The following KCTD16 variants were observed in gnomAD, a reference collection of about 807,000 sequenced individuals.
KCTD16 encodes the protein BTB/POZ domain-containing protein KCTD16.
In KCTD16, 13 loss-of-function variants were observed where a neutral mutation model predicts 33.2. The ratio of observed to expected loss-of-function variants is 0.39; its 90% confidence interval spans 0.25 to 0.62. The LOEUF is 0.62. Ranked by LOEUF, KCTD16 falls within the 20% of genes least tolerant of loss-of-function variation. KCTD16 has a pLI of 0.50. For synonymous variants in KCTD16, 197 were observed against 195.3 expected, an observed-to-expected ratio of 1.01 and a Z score of -0.07; for missense variants, 441 against 525.1, an observed-to-expected ratio of 0.84 and a Z score of 1.57.
chr5:144,364,950 C>G (rs142512471), intron 3 of KCTD16, among the ~76,000 whole-genome samples: 1 of 151,706 alleles, frequency 6.6e-6, no homozygotes, highest in Non-Finnish European at 1.5e-5. Flanking sequence ...CTACTTATGG[C>G]TGTTTTAGTA....
In KCTD16 at chr5:144,443,724, G is replaced by A. The variant is rs1033889844; in HGVS notation, c.833-29936G>A. On this transcript the variant is annotated intron_variant, in intron 3 of 3. Coordinates refer to ENST00000512467, the MANE Select transcript of KCTD16 (RefSeq NM_020768.4). ...AATCTATTATAATTATTATCACTAT[G>A]AAGCTCAAGTTGTTCTATCCTTGGC... Among the ~76,000 whole-genome samples the A allele has an allele frequency of 2.0e-5, 3 of 152,022 alleles. No homozygotes were observed. In the East Asian group the frequency reaches 5.8e-4, roughly 29 times the overall value.
intron 3 of KCTD16, among the ~76,000 whole-genome samples, chr5:144,360,738 C>T (rs1212616102): frequency 3.3e-5 from 5 of 152,086 alleles, no homozygotes; most frequent in African/African-American, 1.2e-4. Flanking sequence ...CCAAACTCAT[C>T]CTTTTTTATG....
intron 3 of KCTD16, among the ~76,000 whole-genome samples, chr5:144,418,532 C>T (rs1483578057): frequency 1.3e-5 from 2 of 152,102 alleles, no homozygotes; most frequent in Non-Finnish European, 2.9e-5. Context: ...TCCAAGTCAC[C>T]ACCGGACCCA....
intron 3 of KCTD16, among the ~76,000 whole-genome samples, chr5:144,374,638 A>G (rs1034275462): frequency 2.6e-5 from 4 of 152,154 alleles, no homozygotes; most frequent in African/African-American, 9.7e-5. Flanking sequence ...TCCCTAGTAG[A>G]AAGGAAAGCA....
intron 3 of KCTD16, among the ~76,000 whole-genome samples, chr5:144,391,173 G>A (rs1181640562): frequency 1.3e-5 from 2 of 152,170 alleles, no homozygotes; most frequent in Non-Finnish European, 2.9e-5. Flanking sequence ...CAGTAGGTGT[G>A]CAAAATATAT....
intron 3 of KCTD16, among the ~76,000 whole-genome samples, chr5:144,369,585 TTAAGAC>T (rs1281897926): frequency 2.0e-5 from 3 of 152,204 alleles, no homozygotes; most frequent in Non-Finnish European, 4.4e-5. Flanking sequence ...TTTCCATTCT[TTAAGAC>T]TAATGTCCTA....
chr5:144,462,263 T>A (rs1265242684), intron 3 of KCTD16, among the ~76,000 whole-genome samples: 1 of 152,174 alleles, frequency 6.6e-6, no homozygotes, highest in Non-Finnish European at 1.5e-5. Flanking sequence ...CTCTCCTCAC[T>A]TCCTTTGTCT....
intron 3 of KCTD16, among the ~76,000 whole-genome samples, chr5:144,407,663 A>G (rs1320835539): frequency 6.6e-6 from 1 of 152,096 alleles, no homozygotes; most frequent in Non-Finnish European, 1.5e-5. Context: ...CCCCACATGC[A>G]TTAAGTATTT....
At chr5:144,417,653 T>C (rs533016803) in intron 3 of KCTD16, among the ~76,000 whole-genome samples, 25 of 152,290 alleles carry the variant, frequency 1.6e-4, no homozygotes, top group African/African-American at 6.0e-4. Context: ...GTTTTTGCTT[T>C]TGATGTCATA....
intron 3 of KCTD16, among the ~76,000 whole-genome samples, chr5:144,230,251 GCA>G (rs1754062116): frequency 6.6e-6 from 1 of 152,184 alleles, no homozygotes; most frequent in African/African-American, 2.4e-5. Context: ...AATCTCAGCT[GCA>G]TTTTCGTCTT....
intron 3 of KCTD16, among the ~76,000 whole-genome samples, chr5:144,248,431 G>T (rs1263203755): frequency 1.3e-5 from 2 of 152,236 alleles, no homozygotes; most frequent in Non-Finnish European, 2.9e-5. Context: ...GGACAGTGAA[G>T]CAAGTGAACT....
rs776779163 is a variant in KCTD16 at position 144,408,829 on chromosome 5, G to A, written c.833-64831G>A. Among the ~76,000 whole-genome samples the A allele has an allele frequency of 5.3e-5, 8 of 151,920 alleles. No individual in the cohort carries two copies. In the South Asian group the frequency reaches 6.2e-4, roughly 12 times the overall value. ...TTTTATTCTAGTGTCCCTTCCAACC[G>A]TCTTTACATTTCATGTTCCTTATTC... On this transcript the variant is annotated intron_variant, in intron 3 of 3. Transcript: ENST00000512467.
chr5:144,433,793 G>T (rs975029817), intron 3 of KCTD16, among the ~76,000 whole-genome samples: 1 of 152,094 alleles, frequency 6.6e-6, no homozygotes, highest in Non-Finnish European at 1.5e-5. Flanking sequence ...TTAAAGCCTT[G>T]TTTTTCTGCT....
At chr5:144,283,907 G>T (rs1204302975) in intron 3 of KCTD16, among the ~76,000 whole-genome samples, 1 of 152,170 alleles carries the variant, frequency 6.6e-6, no homozygotes, top group African/African-American at 2.4e-5. Flanking sequence ...TATATTTGGT[G>T]TAAGCTAAAA....
At chr5:144,292,274 T>C (rs1193184851) in intron 3 of KCTD16, among the ~76,000 whole-genome samples, 1 of 152,188 alleles carries the variant, frequency 6.6e-6, no homozygotes, top group African/African-American at 2.4e-5. Flanking sequence ...GTCCTTGCTG[T>C]GAAAATGAAT....
chr5:144,388,077 T>G (rs1158090938), intron 3 of KCTD16, among the ~76,000 whole-genome samples: 1 of 123,124 alleles, frequency 8.1e-6, no homozygotes, highest in East Asian at 2.2e-4. Flanking sequence ...TTTTTTTTTT[T>G]TTTTTTTTTT....
chr5:144,348,687 G>A (rs570458009), intron 3 of KCTD16, among the ~76,000 whole-genome samples: 5 of 152,262 alleles, frequency 3.3e-5, no homozygotes, highest in Admixed American at 6.5e-5. Flanking sequence ...AACATGCTTT[G>A]TTATTTTCAA....
At chr5:144,469,558 G>A (rs558395310) in intron 3 of KCTD16, among the ~76,000 whole-genome samples, 14 of 152,186 alleles carry the variant, frequency 9.2e-5, no homozygotes, top group South Asian at 8.3e-4. Context: ...TTAGTGTGCC[G>A]CAAATTATGA....
chr5:144,424,736 G>A lies in KCTD16; in HGVS notation c.833-48924G>A, dbSNP rs553344625. The stretch of plus-strand genomic sequence containing the variant: ...GCCTACCAGACAAGAGACAAGATGG[G>A]AGCCAAAGTTATCCTTTTATCAAAA... On this transcript the variant is annotated intron_variant, in intron 3 of 3. Coordinates refer to ENST00000512467, the MANE Select transcript of KCTD16 (RefSeq NM_020768.4). Among the ~76,000 whole-genome samples the A allele has an allele frequency of 7.9e-5, 12 of 152,146 alleles. No individual in the cohort carries two copies. The South Asian group carries it at 2.1e-3, about 26-fold the overall frequency.
Sources: allele counts gnomAD v4.1 joint callset (sites outside exome capture counted in the v4.1 genomes callset), GRCh38; gene constraint gnomAD v4.1.1; transcripts MANE v1.5; gene names NCBI Gene and HGNC (gene_info 2026-07-23, HGNC 2026-07-21).